Variants in NUP153 observed in about 807,000 individuals in gnomAD.
The protein encoded by NUP153 is nuclear pore complex protein Nup153.
In NUP153, 27 loss-of-function variants were observed where a neutral mutation model predicts 134.6. That is an observed-to-expected ratio of 0.20 (90% CI 0.15 to 0.28). The LOEUF is 0.28. Among genes scored for constraint, NUP153 ranks in the 10% least tolerant of loss-of-function variants. NUP153 has a pLI of 1.00. For synonymous variants in NUP153, 640 were observed against 623.5 expected (o/e 1.03, Z -0.40); for missense variants, 1,821 against 1,731.3 (o/e 1.05, Z -0.92).
intron 12 of NUP153, among the ~76,000 whole-genome samples, 182 bp downstream of exon 12, chr6:17,648,981 A>T (rs767395742): frequency 1.3e-5 from 2 of 152,262 alleles, no homozygotes; most frequent in African/African-American, 2.4e-5. Context: ...ACACTCCATT[A>T]TAATGTATCC....
At chr6:17,694,969 ACT>A (rs1313516697) in intron 1 of NUP153, among the ~76,000 whole-genome samples, 2 of 122,796 alleles carry the variant, frequency 1.6e-5, no homozygotes, top group Non-Finnish European at 3.5e-5. Context: ...ACAAAGCGAG[ACT>A]CTGTCTCAAG....
chr6:17,658,648 G>A (rs7739638), intron 11 of NUP153, among the ~76,000 whole-genome samples: 1,878 of 152,274 alleles, frequency 0.012, 40 homozygotes, highest in African/African-American at 0.042. Flanking sequence ...TTCACCATTT[G>A]AAGAAAATTG....
Position 17,628,716 on chromosome 6 carries a change from C to T in NUP153, c.3483G>A (p.Lys1161=), listed in dbSNP as rs1402904582. 16 of 1,613,656 alleles carry T rather than the reference C, an allele frequency of 9.9e-6. No homozygotes were observed. The highest frequency in any genetic ancestry group is 1.4e-5 in the Non-Finnish European group (16 of 1,179,920). ...TGGCTTTTGCTGGCTGTTCAGATTC[C>T]TTCTCAGATGGTTTTGTCATACTAA... ...FSFSMTKPSE[K]ESEQPAKATF... is the part of the protein sequence containing the mutation. The change falls in exon 18 of 22, where the codon AAG becomes AAA. Residue 1161 remains lysine, a synonymous_variant. Transcript: ENST00000262077. The surrounding 1 kb of genome is among the most constrained non-coding windows in gnomAD (Gnocchi z 5.4).
intron 14 of NUP153, among the ~76,000 whole-genome samples, chr6:17,641,118 A>AT (rs1371253851): frequency 3.3e-5 from 5 of 152,126 alleles, no homozygotes; most frequent in Admixed American, 6.6e-5. Context: ...TTATCGTTAT[A>AT]TTTTTAAGGG....
chr6:17,705,012 C>A (rs1399563124), intron 1 of NUP153, among the ~76,000 whole-genome samples: 1 of 152,196 alleles, frequency 6.6e-6, no homozygotes, highest in Admixed American at 6.5e-5. Context: ...CCGCCTCGGC[C>A]TCCCAAAGTG....
At chr6:17,654,572 G>A (rs776962489) in intron 11 of NUP153, among the ~76,000 whole-genome samples, 28 of 151,938 alleles carry the variant, frequency 1.8e-4, no homozygotes, top group African/African-American at 5.6e-4. Flanking sequence ...CGCCCACCTC[G>A]GCCTCCGAAA....
rs1442105076 is a variant in NUP153 at position 17,706,584 on chromosome 6, G to A, written c.-197C>T. On this transcript the variant is annotated 5_prime_UTR_variant, in exon 1 of 22. Coordinates refer to ENST00000262077, the MANE Select transcript of NUP153 (RefSeq NM_005124.4). The surrounding 1 kb of genome is among the most constrained non-coding windows in gnomAD (Gnocchi z 5.9). ...GAGAGAGGGTGAGTGCTGGCAGCGGGGAAGGGGGTGGCGGCCGCAGAGGCC... is the reference window on the plus strand; with the variant it reads ...GAGAGAGGGTGAGTGCTGGCAGCGGAGAAGGGGGTGGCGGCCGCAGAGGCC... The A allele has an allele frequency of 5.2e-6, 3 of 581,966 alleles. No homozygotes were observed. The highest frequency in any genetic ancestry group is 9.1e-6 in the Non-Finnish European group (3 of 330,284). The allele number at this position is 581,966 out of a possible 1,614,324, so 36.1% of individuals were successfully genotyped here.
Position 17,615,452 on chromosome 6 carries a change from AAT to A in NUP153, c.*643_*644del, listed in dbSNP as rs1764265166. On this transcript the variant is annotated 3_prime_UTR_variant, in exon 22 of 22. Transcript: ENST00000262077. The surrounding 1 kb of genome is among the most constrained non-coding windows in gnomAD (Gnocchi z 5.7). Reference sequence around the variant, plus strand: ...TGTATTTACACAAGTTTCATAATAAAATAATGAAAAAGGCAAGACAGGTGATA... The same window carrying A: ...TGTATTTACACAAGTTTCATAATAAAAATGAAAAAGGCAAGACAGGTGATA... 6.6e-6 allele frequency: 1 copy of A among 152,638 alleles called. No homozygotes were observed. The highest frequency in any genetic ancestry group is 2.4e-5 in the African/African-American group (1 of 41,458). The allele number at this position is 152,638 out of a possible 1,614,324, so 9.5% of individuals were successfully genotyped here. A position where few individuals can be genotyped will look rare whatever the true frequency, so the allele number is the denominator to read the frequency against.
In NUP153 at chr6:17,628,619, A is replaced by ATAAT. The variant is rs112521393; in HGVS notation, c.3544+35_3544+36insATTA. 14 of 1,158,980 alleles carry ATAAT rather than the reference A, an allele frequency of 1.2e-5. No homozygotes were observed. The highest frequency in any genetic ancestry group is 1.1e-4 in the African/African-American group (7 of 61,570). The allele number at this position is 1,158,980 out of a possible 1,614,324, so 71.8% of individuals were successfully genotyped here. On this transcript the variant is annotated intron_variant, in intron 18 of 21. Transcript: ENST00000262077. The surrounding 1 kb of genome is among the most constrained non-coding windows in gnomAD (Gnocchi z 5.4). ...GTAAAACGACAACTTGTAAAAAAAA[A>ATAAT]AATAATAATAATAATAATAAAAAGT...
chr6:17,649,013 A>T, intron 12 of NUP153, 150 bp downstream of exon 12: 1 of 725,848 alleles, frequency 1.4e-6, no homozygotes, highest in African/African-American at 1.8e-5. Context: ...ACATTTTTTT[A>T]AAAAAGCAAA....
At chr6:17,649,792 AT>A (rs1469569989) in intron 11 of NUP153, among the ~76,000 whole-genome samples, 1 of 152,226 alleles carries the variant, frequency 6.6e-6, no homozygotes, top group Non-Finnish European at 1.5e-5. Context: ...GTGCCTACTT[AT>A]AAATTAAATT....
Position 17,625,992 on chromosome 6 carries a change from G to C in NUP153, c.3717C>G (p.Ala1239=). 3 of 1,614,154 alleles carry C rather than the reference G, an allele frequency of 1.9e-6. No homozygotes were observed. Among genetic ancestry groups the C allele is most frequent in the Middle Eastern group, 1.6e-4 (1 of 6,062 alleles). The change falls in exon 19 of 22, where the codon GCC becomes GCG. Residue 1239 remains alanine, a synonymous_variant. Transcript: ENST00000262077. The surrounding 1 kb of genome is among the most constrained non-coding windows in gnomAD (Gnocchi z 4.7). ...GQSSNPVSSS[A]FGNTAESSTS... Reference sequence around the variant, plus strand: ...TGCTGGATTCAGCAGTGTTACCAAAGGCAGAGCTGCTCACAGGATTGCTGG... The same window carrying C: ...TGCTGGATTCAGCAGTGTTACCAAACGCAGAGCTGCTCACAGGATTGCTGG...
At chr6:17,630,696 AGGAGACG>A (rs1414552341) in intron 17 of NUP153, among the ~76,000 whole-genome samples, 1 of 134,468 alleles carries the variant, frequency 7.4e-6, no homozygotes, top group Non-Finnish European at 1.6e-5. Context: ...AGGAGAGCAG[AGGAGACG>A]GGAGACGAGA....
chr6:17,618,086 T>A (rs1002348498), intron 20 of NUP153, among the ~76,000 whole-genome samples: 1 of 152,172 alleles, frequency 6.6e-6, no homozygotes, highest in Non-Finnish European at 1.5e-5. Flanking sequence ...TGAAGTTCTC[T>A]GATACCCTCC....
intron 17 of NUP153, 43 bp from the exon 18 acceptor site, chr6:17,629,582 G>T: frequency 6.6e-7 from 1 of 1,509,116 alleles, no homozygotes; most frequent in South Asian, 1.4e-5. Flanking sequence ...TCAATGTACT[G>T]ATCCTCTCAA....
intron 1 of NUP153, among the ~76,000 whole-genome samples, chr6:17,695,417 C>T (rs1256074259): frequency 6.6e-6 from 1 of 152,114 alleles, no homozygotes; most frequent in East Asian, 1.9e-4. Flanking sequence ...CTAATTAAGG[C>T]CTTGGTATAC....
At chr6:17,704,370 C>A (rs749178160) in intron 1 of NUP153, among the ~76,000 whole-genome samples, 21 of 151,840 alleles carry the variant, frequency 1.4e-4, no homozygotes, top group Non-Finnish European at 2.5e-4. Flanking sequence ...TCAGACCATC[C>A]AATGACCTAT....
At chr6:17,679,837 T>C (rs1207318635) in intron 2 of NUP153, among the ~76,000 whole-genome samples, 1 of 152,126 alleles carries the variant, frequency 6.6e-6, no homozygotes, top group Non-Finnish European at 1.5e-5. Flanking sequence ...TTTAAAGAAT[T>C]CCAGGAATTG....
At chr6:17,627,728 G>C (rs1237129676) in intron 18 of NUP153, among the ~76,000 whole-genome samples, 1 of 152,090 alleles carries the variant, frequency 6.6e-6, no homozygotes, top group South Asian at 2.1e-4. Flanking sequence ...TCACTTTAAG[G>C]GCACTGTTGT....
Sources: allele counts gnomAD v4.1 joint callset (sites outside exome capture counted in the v4.1 genomes callset), GRCh38; gene constraint gnomAD v4.1.1; non-coding constraint Gnocchi (gnomAD v3.1); transcripts MANE v1.5; gene names NCBI Gene and HGNC (gene_info 2026-07-23, HGNC 2026-07-21).